NKAIN3: variants seen among roughly 807,000 people sequenced by gnomAD.
NKAIN3 encodes sodium/potassium transporting ATPase interacting 3.
NKAIN3 carries 25 observed loss-of-function variants against 30.2 expected under a neutral mutation model. The ratio of observed to expected loss-of-function variants is 0.83; its 90% CI spans 0.60 to 1.16. The LOEUF (loss-of-function observed/expected upper bound fraction) is 1.16. Among genes scored for constraint, NKAIN3 ranks in the 50% most tolerant of loss-of-function variants. NKAIN3 has a pLI of 0.00. For synonymous variants in NKAIN3, 91 were observed against 89.6 expected (o/e 1.02, Z -0.09); for missense variants, 225 against 254.1 (o/e 0.89, Z 0.78).
chr8:62,927,316 C>A (rs1822481245), intron 5 of NKAIN3, among the ~76,000 whole-genome samples: 1 of 152,230 alleles, frequency 6.6e-6, no homozygotes, highest in East Asian at 1.9e-4. Context: ...CTGTTGACTT[C>A]TCCTTCCTTG....
chr8:62,806,810 TAAAAAATAAAATAATATA>T (rs895107726), intron 4 of NKAIN3, among the ~76,000 whole-genome samples: 1 of 151,080 alleles, frequency 6.6e-6, no homozygotes, highest in African/African-American at 2.4e-5. Context: ...ATAATAATAA[TAAAAAATAAAATAATATA>T]AAAAAATAAA....
intron 4 of NKAIN3, among the ~76,000 whole-genome samples, chr8:62,899,149 AG>A (rs1821524858): frequency 6.6e-6 from 1 of 152,218 alleles, no homozygotes; most frequent in South Asian, 2.1e-4. Context: ...AAATTAGTAC[AG>A]CAACTATGGA....
chr8:62,819,468 CG>C (rs1554581389), intron 4 of NKAIN3, among the ~76,000 whole-genome samples: 10 of 151,944 alleles, frequency 6.6e-5, no homozygotes, highest in Non-Finnish European at 1.3e-4. Context: ...CAACATTTTA[CG>C]TAGCAGATTC....
At chr8:62,298,714 G>A (rs1168631239) in intron 1 of NKAIN3, among the ~76,000 whole-genome samples, 2 of 151,996 alleles carry the variant, frequency 1.3e-5, no homozygotes, top group Non-Finnish European at 2.9e-5. Flanking sequence ...TTTTTAAAAA[G>A]AATCTTTCCA....
chr8:62,789,401 T>C (rs1323419431), intron 4 of NKAIN3, among the ~76,000 whole-genome samples: 3 of 152,184 alleles, frequency 2.0e-5, no homozygotes, highest in Non-Finnish European at 2.9e-5. Flanking sequence ...GAAACTTTGC[T>C]GAAGTTGCTT....
intron 4 of NKAIN3, among the ~76,000 whole-genome samples, chr8:62,848,614 A>G (rs1444881518): frequency 6.6e-6 from 1 of 152,130 alleles, no homozygotes; most frequent in African/African-American, 2.4e-5. Context: ...GTCATCTGCA[A>G]ACAGATAGTT....
At chr8:62,680,335 A>G (rs1203100650) in intron 3 of NKAIN3, among the ~76,000 whole-genome samples, 1 of 152,180 alleles carries the variant, frequency 6.6e-6, no homozygotes, top group Non-Finnish European at 1.5e-5. Flanking sequence ...ATTCCAGCCA[A>G]AACCATCTGT....
At chr8:62,641,179 A>G (rs1018389591) in intron 3 of NKAIN3, among the ~76,000 whole-genome samples, 1 of 152,238 alleles carries the variant, frequency 6.6e-6, no homozygotes, top group East Asian at 1.9e-4. Context: ...TGATCCTTAC[A>G]CCACCAAAAT....
At chr8:62,767,553 A>C (rs1816881622) in intron 4 of NKAIN3, among the ~76,000 whole-genome samples, 1 of 151,392 alleles carries the variant, frequency 6.6e-6, no homozygotes, top group South Asian at 2.1e-4. Context: ...TTTTTTTCTT[A>C]AATCAGTTTG....
rs201511724 is a variant in NKAIN3 at position 62,454,301 on chromosome 8, CAAAAAA to C, written c.55-125221_55-125216del. Among the ~76,000 whole-genome samples the C allele has an allele frequency of 2.1e-4, 12 of 56,164 alleles. No homozygotes were observed. In the South Asian group the frequency reaches 2.8e-3, roughly 13 times the overall value. 36.8% of individuals were successfully genotyped at this position (56,164 alleles called of 152,430 possible). A position where few individuals can be genotyped will look rare whatever the true frequency, so the allele number is the denominator to read the frequency against. ...ACCAACACTAACAATAGCTGATGTG[CAAAAAA>C]AAAAAAAAAAAAAAAATCTGAAAAT... On this transcript the variant is annotated intron_variant, in intron 1 of 6. Coordinates refer to ENST00000623646, the MANE Select transcript of NKAIN3 (RefSeq NM_001304533.3).
At chr8:62,412,172 A>G (rs182059747) in intron 1 of NKAIN3, among the ~76,000 whole-genome samples, 15 of 152,360 alleles carry the variant, frequency 9.8e-5, no homozygotes, top group African/African-American at 3.6e-4. Flanking sequence ...AAACTATACT[A>G]TAAAGATATA....
chr8:62,485,044 A>G (rs1189789931), intron 1 of NKAIN3, among the ~76,000 whole-genome samples: 1 of 152,242 alleles, frequency 6.6e-6, no homozygotes, highest in African/African-American at 2.4e-5. Context: ...CAGGAACTGC[A>G]TAGTCCCTGA....
intron 3 of NKAIN3, among the ~76,000 whole-genome samples, chr8:62,663,344 T>C (rs1285201516): frequency 1.3e-5 from 2 of 152,222 alleles, no homozygotes; most frequent in South Asian, 2.1e-4. Context: ...TATTACTCTA[T>C]TGTAGTAATT....
At chr8:62,960,413 C>T (rs929435886) in intron 6 of NKAIN3, among the ~76,000 whole-genome samples, 1 of 151,960 alleles carries the variant, frequency 6.6e-6, no homozygotes, top group Admixed American at 6.6e-5. Context: ...ATATCAATTC[C>T]TGACTTTCTC....
intron 3 of NKAIN3, among the ~76,000 whole-genome samples, chr8:62,599,437 C>G (rs948773952): frequency 6.6e-6 from 1 of 152,044 alleles, no homozygotes; most frequent in African/African-American, 2.4e-5. Flanking sequence ...AATAATCGCA[C>G]TGGGTTGTGG....
At chr8:62,466,960 T>C (rs1806182329) in intron 1 of NKAIN3, among the ~76,000 whole-genome samples, 1 of 152,182 alleles carries the variant, frequency 6.6e-6, no homozygotes, top group South Asian at 2.1e-4. Flanking sequence ...CTTGCTTAAA[T>C]TTCTCAAATA....
At chr8:62,502,868 G>T (rs1271415330) in intron 1 of NKAIN3, among the ~76,000 whole-genome samples, 4 of 152,190 alleles carry the variant, frequency 2.6e-5, no homozygotes, top group Non-Finnish European at 4.4e-5. Flanking sequence ...ATGGACCAGG[G>T]TTAGATCTCT....
rs60369784 is a variant in NKAIN3 at position 62,321,232 on chromosome 8, A to G, written c.54+72105A>G. On this transcript the variant is annotated intron_variant, in intron 1 of 6. Transcript: ENST00000623646. ...CATTGGTTATTCTAGTTAGCCATTC[A>G]TCTAATTTTTTTTCAAAGTTTTTAA... is the stretch of plus-strand genomic sequence containing the variant. Among the ~76,000 whole-genome samples the G allele has an allele frequency of 9.0e-3, 1,365 of 152,132 alleles. 30 individuals are homozygous for G. The highest frequency in any genetic ancestry group is 0.031 in the African/African-American group (1,288 of 41,492).
At chr8:62,719,696 T>C (rs536585462) in intron 3 of NKAIN3, among the ~76,000 whole-genome samples, 72 of 152,156 alleles carry the variant, frequency 4.7e-4, no homozygotes, top group Non-Finnish European at 8.8e-4. Context: ...CCAACACTAA[T>C]GCCATAAGTT....
Sources: allele counts gnomAD v4.1 joint callset (sites outside exome capture counted in the v4.1 genomes callset), GRCh38; gene constraint gnomAD v4.1.1; transcripts MANE v1.5; gene names NCBI Gene and HGNC (gene_info 2026-07-23, HGNC 2026-07-21).